The following TMEM165 variants were observed in gnomAD, a reference collection of about 807,000 sequenced individuals.
The protein encoded by TMEM165 is putative divalent cation/proton antiporter TMEM165.
A neutral mutation model predicts 30.0 loss-of-function variants in TMEM165; 19 were observed. That is an observed-to-expected ratio of 0.63 (90% CI 0.44 to 0.93). The LOEUF (loss-of-function observed/expected upper bound fraction) is 0.93, where lower values mean the gene tolerates loss of function less well. TMEM165 is among the 40% of genes least tolerant of loss of function. TMEM165 has a pLI of 0.00. For synonymous variants in TMEM165, 168 were observed against 162.9 expected (o/e 1.03, Z -0.24); for missense variants, 340 against 417.0 (o/e 0.82, Z 1.61).
intron 3 of TMEM165, among the ~76,000 whole-genome samples, chr4:55,441,788 C>A (rs1179834542): frequency 6.6e-6 from 1 of 152,092 alleles, no homozygotes. Flanking sequence ...CTCAGGTGAT[C>A]AGTGCACTAA....
chr4:55,435,746 T>C (rs1722829415), intron 3 of TMEM165: 1 of 813,778 alleles, frequency 1.2e-6, no homozygotes, highest in Non-Finnish European at 2.0e-6. Flanking sequence ...AAATTCTAAT[T>C]TGGAAAATGC....
chr4:55,396,388 CGGGTCGAGGTGAGCGGGCCGGGAT>C lies in TMEM165; in HGVS notation c.203_207+19del. ...GGCTGTGCAGGGCCCCGAGCCGGCC[CGGGTCGAGGTGAGCGGGCCGGGAT>C]GGGGCGAGCGAGGCTGCAGGGCCGG... On this transcript the variant is annotated splice_donor_variant and splice_donor_5th_base_variant and coding_sequence_variant and intron_variant, in exon 1 of 6. Coordinates refer to ENST00000381334, the MANE Select transcript of TMEM165 (RefSeq NM_018475.5). LOFTEE classifies it high-confidence loss of function. The C allele has an allele frequency of 6.7e-7, 1 of 1,485,370 alleles. No individual in the cohort carries two copies. Among genetic ancestry groups the C allele is most frequent in the Non-Finnish European group, 8.9e-7 (1 of 1,123,554 alleles). 92.0% of individuals were successfully genotyped at this position (1,485,370 alleles called of 1,614,324 possible).
chr4:55,414,476 G>A lies in TMEM165; in HGVS notation c.434-2596G>A, dbSNP rs192740416. On this transcript the variant is annotated intron_variant, in intron 2 of 5. Coordinates refer to ENST00000381334, the MANE Select transcript of TMEM165 (RefSeq NM_018475.5). Reference sequence around the variant, plus strand: ...TTATACTTTATGTTCTGGGATACATGTGCAGAACGTGCAGGTTTGTTACAC... The same window carrying A: ...TTATACTTTATGTTCTGGGATACATATGCAGAACGTGCAGGTTTGTTACAC... Among the ~76,000 whole-genome samples the A allele has an allele frequency of 9.8e-4, 148 of 151,764 alleles. No individual in the cohort carries two copies. In the Middle Eastern group the frequency reaches 0.024, roughly 24 times the overall value.
chr4:55,404,612 T>A (rs1281336195), intron 1 of TMEM165, among the ~76,000 whole-genome samples: 2 of 148,178 alleles, frequency 1.3e-5, no homozygotes, highest in African/African-American at 5.3e-5. Context: ...TTTTATTTTT[T>A]TTTTTTGTGG....
intron 3 of TMEM165, among the ~76,000 whole-genome samples, chr4:55,437,482 C>T (rs1722977258): frequency 6.6e-6 from 1 of 152,154 alleles, no homozygotes; most frequent in Non-Finnish European, 1.5e-5. Flanking sequence ...CTTCTGTATC[C>T]TATAGATAAG....
intron 1 of TMEM165, among the ~76,000 whole-genome samples, chr4:55,398,512 C>T (rs910896608): frequency 6.6e-6 from 1 of 152,220 alleles, no homozygotes; most frequent in Non-Finnish European, 1.5e-5. Flanking sequence ...TTATTTAATT[C>T]ACTAATGGAT....
chr4:55,448,313 A>C (rs984995995), intron 3 of TMEM165, among the ~76,000 whole-genome samples: 1 of 152,220 alleles, frequency 6.6e-6, no homozygotes, highest in African/African-American at 2.4e-5. Flanking sequence ...TCCAATATTC[A>C]TAGGAGGAAC....
rs71194559 is a variant in TMEM165 at position 55,421,166 on chromosome 4, C to CAAA, written c.792+3201_792+3203dup. Among the ~76,000 whole-genome samples, 155 of 83,310 alleles carry CAAA rather than the reference C, an allele frequency of 1.9e-3. 1 individual carries two copies. Among genetic ancestry groups the CAAA allele is most frequent in the Middle Eastern group, 0.013 (2 of 156 alleles). The allele number at this position is 83,310 out of a possible 152,430, so 54.7% of individuals were successfully genotyped here. A position where few individuals can be genotyped will look rare whatever the true frequency, so the allele number is the denominator to read the frequency against. On this transcript the variant is annotated intron_variant, in intron 4 of 5. Transcript: ENST00000381334. ...TGGTCGACAGAGCTAGATTCCATCT[C>CAAA]AAAAAAAAAAAAAAAAAAAAAAGAC...
intron 3 of TMEM165, among the ~76,000 whole-genome samples, chr4:55,447,547 C>G (rs1723968970): frequency 6.6e-6 from 1 of 151,972 alleles, no homozygotes; most frequent in Non-Finnish European, 1.5e-5. Flanking sequence ...AACCACAGAC[C>G]TAAGAGGCAA....
chr4:55,413,612 G>T (rs1721602809), intron 2 of TMEM165, among the ~76,000 whole-genome samples: 1 of 152,226 alleles, frequency 6.6e-6, no homozygotes. Context: ...ACCACGCCTG[G>T]CCCCTGGCCC....
At chr4:55,412,027 G>A (rs1421425637) in intron 2 of TMEM165, 188 bp downstream of exon 2, 8 of 637,120 alleles carry the variant, frequency 1.3e-5, no homozygotes, top group East Asian at 8.3e-5. Flanking sequence ...ACCCCCTCTC[G>A]CATAGTTGTC....
exon 4 of TMEM165, chr4:55,453,085 T>C: frequency 6.2e-7 from 1 of 1,612,618 alleles, no homozygotes; most frequent in Non-Finnish European, 8.5e-7. Context: ...AAGAGACTCT[T>C]CAATGCCAAG....
At chr4:55,419,936 T>C (rs1327123387) in intron 4 of TMEM165, among the ~76,000 whole-genome samples, 1 of 150,850 alleles carries the variant, frequency 6.6e-6, no homozygotes, top group African/African-American at 2.4e-5. Context: ...TCTTTAAAAA[T>C]ATCACTTTAA....
intron 1 of TMEM165, among the ~76,000 whole-genome samples, chr4:55,400,024 T>G (rs964618547): frequency 2.7e-5 from 4 of 146,402 alleles, no homozygotes; most frequent in African/African-American, 7.5e-5. Context: ...TTTTTTTTTT[T>G]TTTAGAGACA....
intron 3 of TMEM165, chr4:55,442,544 T>C (rs149495777): frequency 8.7e-6 from 14 of 1,610,556 alleles, no homozygotes; most frequent in African/African-American, 5.4e-5. Flanking sequence ...GAAATCACCA[T>C]AGTGTTATAC....
chr4:55,412,095 G>A (rs993696682), intron 2 of TMEM165: 1 of 517,192 alleles, frequency 1.9e-6, no homozygotes, highest in Non-Finnish European at 3.4e-6. Context: ...GTTATATTGT[G>A]TAAAGTAAGA....
downstream of TMEM165, among the ~76,000 whole-genome samples, chr4:55,427,340 A>G (rs1722258474): frequency 7.6e-6 from 1 of 132,174 alleles, no homozygotes; most frequent in South Asian, 2.4e-4. Context: ...TTGGCCTACT[A>G]ATACGTTTTG....
chr4:55,400,274 TATA>T (rs1308780007), intron 1 of TMEM165, among the ~76,000 whole-genome samples: 4 of 106,510 alleles, frequency 3.8e-5, no homozygotes, highest in South Asian at 2.3e-4. Flanking sequence ...TAATATATAA[TATA>T]ATATTATATA....
chr4:55,402,421 A>T (rs1578229435), intron 1 of TMEM165, among the ~76,000 whole-genome samples: 16 of 56,522 alleles, frequency 2.8e-4, no homozygotes, highest in African/African-American at 1.5e-3. Flanking sequence ...ATATATATAT[A>T]TATATATATA....
Sources: allele counts gnomAD v4.1 joint callset (sites outside exome capture counted in the v4.1 genomes callset), GRCh38; gene constraint gnomAD v4.1.1; transcripts MANE v1.5; gene names NCBI Gene and HGNC (gene_info 2026-07-23, HGNC 2026-07-21).